ITPK1: variants seen among roughly 807,000 people sequenced by gnomAD.
ITPK1 encodes inositol 1,3,4-trisphosphate 5/6-kinase.
A neutral mutation model predicts 45.3 loss-of-function variants in ITPK1; 21 were observed. The ratio of observed to expected loss-of-function variants is 0.46; its 90% CI spans 0.33 to 0.67. The LOEUF (loss-of-function observed/expected upper bound fraction) is 0.67. ITPK1 is among the 30% of genes least tolerant of loss of function. The pLI, the probability that ITPK1 is intolerant of heterozygous loss-of-function variation, is 0.02. For missense variants in ITPK1, 474 were observed against 573.5 expected, an observed-to-expected ratio of 0.83 and a Z score of 1.77; for synonymous variants, 258 against 253.6, an observed-to-expected ratio of 1.02 and a Z score of -0.16.
intron 5 of ITPK1, among the ~76,000 whole-genome samples, chr14:92,993,230 A>G (rs926160834): frequency 6.6e-6 from 1 of 152,254 alleles, no homozygotes; most frequent in Non-Finnish European, 1.5e-5. Flanking sequence ...AGCAGGGCAC[A>G]CTTGGACTAA....
intron 8 of ITPK1, 83 bp from the exon 9 acceptor site, chr14:92,952,096 T>C: frequency 9.0e-7 from 1 of 1,110,490 alleles, no homozygotes; most frequent in Non-Finnish European, 1.3e-6. Context: ...GGGGGCAGCA[T>C]CACCCCAGGC....
Position 92,958,274 on chromosome 14 carries a change from C to CGGCG in ITPK1, c.596_597insCGCC (p.Lys199AsnfsTer29). ...TGTAGGACTCGCCAACCACGAACAC[C>CGGCG]TTGTACAGGACGGCGTTGTGGTTGA... On this transcript the variant is annotated frameshift_variant, in exon 8 of 11. Transcript: ENST00000267615. LOFTEE classifies it high-confidence loss of function. The surrounding 1 kb of genome is among the most constrained non-coding windows in gnomAD (Gnocchi z 4.4). The CGGCG allele has an allele frequency of 6.2e-7, 1 of 1,613,416 alleles. No individual in the cohort carries two copies. The highest frequency in any genetic ancestry group is 1.1e-5 in the South Asian group (1 of 90,986).
intron 3 of ITPK1, among the ~76,000 whole-genome samples, chr14:93,060,684 C>A (rs906628211): frequency 1.3e-5 from 2 of 152,132 alleles, no homozygotes; most frequent in African/African-American, 4.8e-5. Flanking sequence ...CTGGTTAGCA[C>A]TGGGGAAGGG....
chr14:93,088,793 G>A (rs1208677289), intron 2 of ITPK1, among the ~76,000 whole-genome samples: 2 of 152,096 alleles, frequency 1.3e-5, no homozygotes, highest in Non-Finnish European at 2.9e-5. Flanking sequence ...CACCGCGCCT[G>A]GCCTGTCACC....
At chr14:93,112,861 T>C (rs1336167188) in intron 2 of ITPK1, among the ~76,000 whole-genome samples, 2 of 152,212 alleles carry the variant, frequency 1.3e-5, no homozygotes, top group Admixed American at 6.5e-5. Flanking sequence ...AACATGATAA[T>C]GTCCTTTGCA....
intron 3 of ITPK1, among the ~76,000 whole-genome samples, chr14:93,052,621 G>T (rs1411771340): frequency 6.6e-6 from 1 of 152,168 alleles, no homozygotes; most frequent in Non-Finnish European, 1.5e-5. Context: ...GCCTGAGAGT[G>T]ACTCAGTGGG....
Position 92,962,798 on chromosome 14 carries a change from T to A in ITPK1, c.416A>T (p.Asp139Val). 6.2e-7 allele frequency: 1 copy of A among 1,614,020 alleles called. No homozygotes were observed. The highest frequency in any genetic ancestry group is 1.1e-5 in the South Asian group (1 of 91,088). ...PFMELTSLCG[D>V]DTMRLLEKNG... is the part of the protein sequence containing the mutation. ...CTTCTCCAGCAGCCGCATGGTGTCA[T>A]CCCCGCACAGGCTCGTGAGCTCCAT... The change falls in exon 6 of 11, where the codon GAT becomes GTT. Residue 139 changes from aspartate (D) to valine (V), a missense_variant. Asp to Val is a radical substitution (Grantham distance 152). Coordinates refer to ENST00000267615, the MANE Select transcript of ITPK1 (RefSeq NM_014216.6).
intron 4 of ITPK1, among the ~76,000 whole-genome samples, chr14:93,015,995 T>C (rs1055768364): frequency 6.6e-6 from 1 of 152,128 alleles, no homozygotes; most frequent in African/African-American, 2.4e-5. Flanking sequence ...TCACTGACAA[T>C]ACAACTTTGT....
intron 5 of ITPK1, among the ~76,000 whole-genome samples, chr14:92,992,602 C>A (rs1444314546): frequency 6.6e-6 from 1 of 152,248 alleles, no homozygotes; most frequent in Non-Finnish European, 1.5e-5. Context: ...GCAGCCAGCT[C>A]TTCTGCAGGG....
chr14:92,966,507 T>C (rs1443920228), intron 5 of ITPK1, among the ~76,000 whole-genome samples: 1 of 152,212 alleles, frequency 6.6e-6, no homozygotes, highest in Non-Finnish European at 1.5e-5. Flanking sequence ...TATTGTTAAG[T>C]GGGCAATACT....
At chr14:92,945,462 C>T (rs1220606683) in intron 10 of ITPK1, among the ~76,000 whole-genome samples, 1 of 152,242 alleles carries the variant, frequency 6.6e-6, no homozygotes, top group Non-Finnish European at 1.5e-5. Context: ...CGTTTTTGCA[C>T]CTCAGCAGCT....
At chr14:93,113,891 G>T (rs1463260405) in intron 2 of ITPK1, among the ~76,000 whole-genome samples, 1 of 152,202 alleles carries the variant, frequency 6.6e-6, no homozygotes, top group South Asian at 2.1e-4. Context: ...GGGCTTGCAC[G>T]GGGCAAAGGA....
chr14:93,096,513 G>A (rs940807652), intron 2 of ITPK1, among the ~76,000 whole-genome samples: 1 of 152,228 alleles, frequency 6.6e-6, no homozygotes, highest in Non-Finnish European at 1.5e-5. Flanking sequence ...ATAGATGCCT[G>A]TAAACAGCTC....
intron 3 of ITPK1, among the ~76,000 whole-genome samples, chr14:93,035,732 G>A (rs750034079): frequency 2.6e-5 from 4 of 152,194 alleles, no homozygotes; most frequent in Non-Finnish European, 4.4e-5. Flanking sequence ...CCTGGTGCCC[G>A]ACAGCACCGT....
chr14:92,941,326 G>C lies in ITPK1; in HGVS notation c.*235C>G. 1 of 1,412,028 alleles carries C rather than the reference G, an allele frequency of 7.1e-7. No individual in the cohort carries two copies. The highest frequency in any genetic ancestry group is 9.2e-7 in the Non-Finnish European group (1 of 1,090,354). The allele number at this position is 1,412,028 out of a possible 1,614,324, so 87.5% of individuals were successfully genotyped here. ...GTGTGTAAACTCAGTTAGGAGGTCT[G>C]CACAGTAGAGAGCAGGCGGACGGCC... On this transcript the variant is annotated 3_prime_UTR_variant, in exon 11 of 11. Transcript: ENST00000267615.
intron 4 of ITPK1, among the ~76,000 whole-genome samples, chr14:92,996,810 C>T (rs1011307832): frequency 9.9e-5 from 15 of 152,282 alleles, no homozygotes; most frequent in Admixed American, 5.2e-4. Context: ...AGTGGGAAGG[C>T]TATGTGACCT....
chr14:92,941,603 C>T lies in ITPK1; in HGVS notation c.1203G>A (p.Gln401=), dbSNP rs918939752. Residue 401 remains glutamine, a synonymous_variant, in exon 11 of 11, where the codon CAG becomes CAA. Coordinates refer to ENST00000267615, the MANE Select transcript of ITPK1 (RefSeq NM_014216.6). ...TGGTGGCCAGGGAGGCCACACAATG[C>T]TGCTGGAAGCTGGGCGACACGCCGG... is the stretch of plus-strand genomic sequence containing the variant. The part of the protein sequence containing the change: ...CNAGVSPSFQ[Q]HCVASLATKA... 7.2e-6 allele frequency: 11 copies of T among 1,537,486 alleles called. No individual in the cohort carries two copies. The highest frequency in any genetic ancestry group is 1.4e-5 in the African/African-American group (1 of 72,416).
chr14:93,019,862 A>G (rs1056710357), intron 3 of ITPK1, among the ~76,000 whole-genome samples: 1 of 152,212 alleles, frequency 6.6e-6, no homozygotes, highest in African/African-American at 2.4e-5. Context: ...CGATGGGGAC[A>G]GGAACTCATT....
chr14:92,942,051 C>T (rs1464684433), intron 10 of ITPK1, 147 bp from the exon 11 acceptor site: 5 of 723,682 alleles, frequency 6.9e-6, no homozygotes, highest in Non-Finnish European at 9.0e-6. Flanking sequence ...ACGTGAGGCT[C>T]AGCAGATAAG....
Sources: gnomAD v4.1 joint callset for allele counts (sites outside exome capture counted in the v4.1 genomes callset) on GRCh38, gnomAD v4.1.1 for gene constraint, Gnocchi (gnomAD v3.1) non-coding constraint, MANE v1.5 for transcripts, NCBI Gene and HGNC (gene_info 2026-07-23, HGNC 2026-07-21) for gene names.